Variants in ARID3B observed in about 807,000 individuals in gnomAD.
ARID3B encodes the protein AT-rich interactive domain-containing protein 3B.
Under a neutral mutation model 51.9 loss-of-function variants are expected in ARID3B, and 10 were observed. That is an observed-to-expected ratio of 0.19 (90% CI 0.12 to 0.33). The LOEUF (loss-of-function observed/expected upper bound fraction) is 0.33. ARID3B is among the 10% of genes least tolerant of loss of function. ARID3B has a pLI of 1.00. For missense variants in ARID3B, 483 were observed against 716.3 expected (o/e 0.67, Z 3.72); for synonymous variants, 205 against 279.5 (o/e 0.73, Z 2.66).
chr15:74,597,958 C>T lies in ARID3B; in HGVS notation c.*2184C>T, dbSNP rs2061834892. ...CAGGGCAGCTCTGTCCCCTCCTGCT[C>T]TCCATCTTATATGTATTCTAACCAG... On this transcript the variant is annotated 3_prime_UTR_variant, in exon 9 of 9. Transcript: ENST00000346246. The T allele has an allele frequency of 3.8e-6, 2 of 532,528 alleles. No homozygotes were observed. The highest frequency in any genetic ancestry group is 2.2e-5 in the Admixed American group (1 of 44,884). The allele number at this position is 532,528 out of a possible 1,614,324, so 33.0% of individuals were successfully genotyped here. A position where few individuals can be genotyped will look rare whatever the true frequency, so the allele number is the denominator to read the frequency against.
Position 74,569,870 on chromosome 15 carries a change from C to T in ARID3B, c.553-2992C>T, listed in dbSNP as rs1473492330. Among the ~76,000 whole-genome samples, 3 of 152,194 alleles carry T rather than the reference C, an allele frequency of 2.0e-5. No individual in the cohort carries two copies. In the East Asian group the frequency reaches 5.8e-4, roughly 29 times the overall value. On this transcript the variant is annotated intron_variant, in intron 2 of 8. Transcript: ENST00000346246. ...CTGCCTTAAGACAAAGAATGGAATG[C>T]ACGTTGGACATTTTTACATCAGCCC...
chr15:74,593,396 A>G (rs2061811278), intron 8 of ARID3B, 160 bp downstream of exon 8: 1 of 642,320 alleles, frequency 1.6e-6, no homozygotes, highest in East Asian at 2.8e-5. Context: ...CCTCTGGACT[A>G]GTAGACTGTG....
chr15:74,555,324 T>C (rs1224357724), intron 2 of ARID3B, among the ~76,000 whole-genome samples: 2 of 152,138 alleles, frequency 1.3e-5, no homozygotes, highest in East Asian at 1.9e-4. Flanking sequence ...TTTGCTACGA[T>C]TGACTCTTTT....
At chr15:74,567,443 T>G (rs1316546422) in intron 2 of ARID3B, among the ~76,000 whole-genome samples, 1 of 152,192 alleles carries the variant, frequency 6.6e-6, no homozygotes, top group Non-Finnish European at 1.5e-5. Context: ...ACAATTTTTT[T>G]TTTTTTTAGT....
chr15:74,580,019 C>T (rs551870628), intron 4 of ARID3B, among the ~76,000 whole-genome samples: 77 of 152,210 alleles, frequency 5.1e-4, no homozygotes, highest in Non-Finnish European at 8.7e-4. Flanking sequence ...GGTGAAACCC[C>T]ATCTCTACTA....
chr15:74,577,714 G>C lies in ARID3B; in HGVS notation c.697+4510G>C, dbSNP rs2061743181. ...TTTTTCTGTTTTTTTGTGTGTGTGT[G>C]TGTGGAGACGAGGCCCTTATGTTGC... On this transcript the variant is annotated intron_variant, in intron 4 of 8. Coordinates refer to ENST00000346246, the MANE Select transcript of ARID3B (RefSeq NM_006465.4). Among the ~76,000 whole-genome samples the C allele has an allele frequency of 1.3e-5, 2 of 151,998 alleles. 1 individual carries two copies. Among genetic ancestry groups the C allele is most frequent in the African/African-American group, 4.8e-5 (2 of 41,366 alleles).
intron 2 of ARID3B, among the ~76,000 whole-genome samples, chr15:74,545,128 T>A (rs892979947): frequency 2.6e-5 from 4 of 152,260 alleles, no homozygotes; most frequent in African/African-American, 9.6e-5. Context: ...AATTACAGCT[T>A]TTCTAATAAT....
At chr15:74,570,156 A>T in intron 2 of ARID3B, among the ~76,000 whole-genome samples, 1 of 152,128 alleles carries the variant, frequency 6.6e-6, no homozygotes. Flanking sequence ...GCAAGGCCTC[A>T]CCATCTGACT....
At position 74,572,904 on chromosome 15, in the gene ARID3B, G is replaced by A; in HGVS notation, c.595G>A (p.Gly199Arg). ...GAGTGATGATGCAGATGGAGGCCGG[G>A]GAAGAGAGATCTCTCGAGATTTTGC... ...AWSDDADGGR[G>R]REISRDFAKL... The change falls in exon 3 of 9, where the codon GGA (glycine) becomes AGA (arginine). Residue 199 changes from glycine to arginine, a missense_variant. Gly to Arg is a moderately radical substitution (Grantham distance 125). Coordinates refer to ENST00000346246, the MANE Select transcript of ARID3B (RefSeq NM_006465.4). 2 of 1,614,188 alleles carry A rather than the reference G, an allele frequency of 1.2e-6. No individual in the cohort carries two copies. The highest frequency in any genetic ancestry group is 1.7e-6 in the Non-Finnish European group (2 of 1,180,032).
In ARID3B at chr15:74,592,169, G is replaced by T. The variant is rs561363738; in HGVS notation, c.1420+355G>T. The stretch of plus-strand genomic sequence containing the variant: ...TGTAGGCAAGAGCAGGGCACCGTCT[G>T]CAGGTCTGGGAGGAAGACACCCCAT... On this transcript the variant is annotated intron_variant, in intron 7 of 8. Coordinates refer to ENST00000346246, the MANE Select transcript of ARID3B (RefSeq NM_006465.4). Among the ~76,000 whole-genome samples, 25 of 152,348 alleles carry T rather than the reference G, an allele frequency of 1.6e-4. 1 individual carries two copies. The highest frequency in any genetic ancestry group is 8.3e-4 in the South Asian group (4 of 4,828).
chr15:74,564,208 G>A (rs1045006547), intron 2 of ARID3B, among the ~76,000 whole-genome samples: 1 of 152,194 alleles, frequency 6.6e-6, no homozygotes, highest in Non-Finnish European at 1.5e-5. Context: ...GCTTATAACA[G>A]TATCTGTTTT....
intron 2 of ARID3B, among the ~76,000 whole-genome samples, chr15:74,570,367 A>G (rs2061714608): frequency 7.1e-6 from 1 of 139,980 alleles, no homozygotes; most frequent in African/African-American, 2.6e-5. Flanking sequence ...GCCCTGTCTG[A>G]CTTTTTAGGT....
chr15:74,569,242 A>T (rs568484532), intron 2 of ARID3B, among the ~76,000 whole-genome samples: 3 of 152,212 alleles, frequency 2.0e-5, no homozygotes, highest in African/African-American at 7.2e-5. Flanking sequence ...AACCCACCCA[A>T]TGAAAGGGGG....
intron 2 of ARID3B, among the ~76,000 whole-genome samples, chr15:74,549,498 C>T (rs368105248): frequency 2.8e-4 from 41 of 148,384 alleles, no homozygotes; most frequent in Admixed American, 2.0e-3. Flanking sequence ...ACCTGGGAGG[C>T]GAAGGTTGCA....
intron 2 of ARID3B, among the ~76,000 whole-genome samples, chr15:74,571,965 C>T (rs973432557): frequency 7.9e-5 from 12 of 152,054 alleles, no homozygotes; most frequent in East Asian, 3.9e-4. Context: ...AAAAATTAGC[C>T]GGGCGTGGTT....
intron 2 of ARID3B, among the ~76,000 whole-genome samples, chr15:74,570,013 T>C (rs1343938099): frequency 6.6e-6 from 1 of 152,202 alleles, no homozygotes; most frequent in Non-Finnish European, 1.5e-5. Context: ...ATCTGTGGAA[T>C]GGGTCCAACA....
intron 2 of ARID3B, among the ~76,000 whole-genome samples, chr15:74,545,222 G>A (rs2061611236): frequency 6.6e-6 from 1 of 152,206 alleles, no homozygotes; most frequent in Admixed American, 6.5e-5. Flanking sequence ...AGGACAGTTG[G>A]TTGTTTTGGA....
chr15:74,570,497 A>AAAAAAAT (rs2061715442), intron 2 of ARID3B, among the ~76,000 whole-genome samples: 2 of 141,562 alleles, frequency 1.4e-5, no homozygotes, highest in African/African-American at 2.7e-5. Flanking sequence ...AAAAAAAAAA[A>AAAAAAAT]GTGTTTTCAT....
At chr15:74,568,719 A>G (rs921320825) in intron 2 of ARID3B, among the ~76,000 whole-genome samples, 10 of 152,114 alleles carry the variant, frequency 6.6e-5, no homozygotes, top group Admixed American at 6.5e-4. Context: ...GTTTCCTGTG[A>G]GCTCCTGGAG....
Sources: allele counts gnomAD v4.1 joint callset (sites outside exome capture counted in the v4.1 genomes callset), GRCh38; gene constraint gnomAD v4.1.1; transcripts MANE v1.5; gene names NCBI Gene and HGNC (gene_info 2026-07-23, HGNC 2026-07-21).